Variants in DNAH8 observed in about 807,000 individuals in gnomAD.
DNAH8 encodes the protein axonemal beta dynein heavy chain 8.
Under a neutral mutation model 562.1 loss-of-function variants are expected in DNAH8, and 382 were observed. The ratio of observed to expected loss-of-function variants is 0.68; its 90% CI spans 0.63 to 0.74. The LOEUF is 0.74. DNAH8 is among the 30% of genes least tolerant of loss of function. The pLI is 0.00. For synonymous variants in DNAH8, 1,881 were observed against 1,919.4 expected (o/e 0.98, Z 0.52); for missense variants, 5,203 against 5,620.4 (o/e 0.93, Z 2.37).
chr6:38,798,712 T>A (rs1738233), intron 21 of DNAH8, among the ~76,000 whole-genome samples: 83,460 of 151,916 alleles, frequency 0.55, 23,361 homozygotes, highest in Middle Eastern at 0.59. Context: ...CAAGGATTAA[T>A]GAAGTTTGTT....
chr6:38,750,605 A>G lies in DNAH8; in HGVS notation c.1407+16A>G. ...CCATGACCTAGTAAGTATGCTTTTA[A>G]AGTACAATTTTAAACTGAGGGCAGT... is the stretch of plus-strand genomic sequence containing the variant. On this transcript the variant is annotated intron_variant, in intron 9 of 92. Transcript: ENST00000327475. The G allele has an allele frequency of 6.6e-7, 1 of 1,512,370 alleles. No individual in the cohort carries two copies. The highest frequency in any genetic ancestry group is 9.1e-7 in the Non-Finnish European group (1 of 1,094,976). The allele number at this position is 1,512,370 out of a possible 1,614,324, so 93.7% of individuals were successfully genotyped here.
At chr6:38,784,994 G>A (rs149279327) in intron 17 of DNAH8, among the ~76,000 whole-genome samples, 1 of 152,322 alleles carries the variant, frequency 6.6e-6, no homozygotes, top group East Asian at 1.9e-4. Flanking sequence ...AGAAGAGTTT[G>A]TTCCCCTTGA....
chr6:38,928,690 C>T (rs1360027054), intron 74 of DNAH8, among the ~76,000 whole-genome samples: 1 of 152,102 alleles, frequency 6.6e-6, no homozygotes, highest in Non-Finnish European at 1.5e-5. Context: ...TGGATTCTTC[C>T]TTGCATCTTA....
chr6:38,962,965 G>A (rs2150669083), intron 82 of DNAH8, among the ~76,000 whole-genome samples: 1 of 152,212 alleles, frequency 6.6e-6, no homozygotes, highest in Admixed American at 6.5e-5. Context: ...TGGACTTTGG[G>A]GACTGGGGAG....
Position 38,848,630 on chromosome 6 carries a change from T to C in DNAH8, c.5046-18T>C, listed in dbSNP as rs750282825. 4 of 1,589,540 alleles carry C rather than the reference T, an allele frequency of 2.5e-6. No individual in the cohort carries two copies. The highest frequency in any genetic ancestry group is 2.6e-6 in the Non-Finnish European group (3 of 1,162,592). The stretch of plus-strand genomic sequence containing the variant: ...GAATCTTCTTTGAAATGTGATTTTT[T>C]CCGTTCTTACCTTTTAGATACAATG... On this transcript the variant is annotated intron_variant, in intron 36 of 92. Coordinates refer to ENST00000327475, the MANE Select transcript of DNAH8 (RefSeq NM_001206927.2).
At chr6:38,870,301 T>A (rs1777368422) in intron 48 of DNAH8, 100 bp from the exon 49 acceptor site, 2 of 1,018,648 alleles carry the variant, frequency 2.0e-6, no homozygotes, top group East Asian at 4.8e-5. Flanking sequence ...TAATAAATGG[T>A]TCTCTGGGGA....
intron 45 of DNAH8, among the ~76,000 whole-genome samples, chr6:38,866,339 G>A (rs1341546657): frequency 6.6e-6 from 1 of 151,864 alleles, no homozygotes; most frequent in Admixed American, 6.6e-5. Context: ...TATTTTTTAA[G>A]TCAGTAGACA....
In DNAH8 at chr6:38,795,511, C is replaced by CGGA. The variant is rs1223797649; in HGVS notation, c.2901+3839_2901+3841dup. On this transcript the variant is annotated intron_variant, in intron 21 of 92. Transcript: ENST00000327475. ...AGGAGAATGGCGTGAACCCAGGAGG[C>CGGA]GGAGCTTGCAGTGAGCTGAGATCTC... Among the ~76,000 whole-genome samples the CGGA allele has an allele frequency of 6.8e-5, 10 of 146,774 alleles. No homozygotes were observed. In the Admixed American group the frequency reaches 6.9e-4, roughly 10 times the overall value.
At chr6:38,745,783 A>G (rs1022412132) in intron 8 of DNAH8, among the ~76,000 whole-genome samples, 1 of 152,206 alleles carries the variant, frequency 6.6e-6, no homozygotes, top group African/African-American at 2.4e-5. Context: ...ATGGTCAGTT[A>G]TTTAGGAGAA....
At chr6:38,861,591 T>C (rs972373704) in intron 43 of DNAH8, among the ~76,000 whole-genome samples, 1 of 152,234 alleles carries the variant, frequency 6.6e-6, no homozygotes, top group Non-Finnish European at 1.5e-5. Flanking sequence ...AGAGTCTTGC[T>C]CTGTCGCCCA....
rs146223741 is a variant in DNAH8, at chr6:38,997,090, CT to C, written c.13214+6919del. ...GCCTTGGGGTCTCTCTCACCCACCC[CT>C]GATCCCCTTTCCCCAGCATGTCTTA... On this transcript the variant is annotated intron_variant, in intron 88 of 92. Transcript: ENST00000327475. Among the ~76,000 whole-genome samples the C allele has an allele frequency of 8.3e-3, 1,265 of 152,316 alleles. 15 individuals are homozygous for C. Among genetic ancestry groups the C allele is most frequent in the African/African-American group, 0.029 (1,193 of 41,562 alleles).
intron 71 of DNAH8, 55 bp downstream of exon 71, chr6:38,921,561 G>A: frequency 6.4e-7 from 1 of 1,554,752 alleles, no homozygotes; most frequent in Non-Finnish European, 8.7e-7. Context: ...TTACACAAGA[G>A]CATGCTATAT....
rs1240784248 is a variant in DNAH8 at position 38,909,672 on chromosome 6, A to G, written c.9668A>G (p.Lys3223Arg). The G allele has an allele frequency of 6.2e-7, 1 of 1,614,170 alleles. No individual in the cohort carries two copies. Among genetic ancestry groups the G allele is most frequent in the African/African-American group, 1.3e-5 (1 of 75,074 alleles). The change falls in exon 65 of 93, where the codon AAA becomes AGA. Residue 3223 changes from lysine (K) to arginine (R), a missense_variant. Physicochemically the swap from Lys to Arg is conservative, Grantham distance 26. Around this residue, in one of 6 missense-constraint regions of DNAH8, gnomAD observed 977 missense variants for 1,061.8 expected, o/e 0.92. Transcript: ENST00000327475. Reference sequence around the variant, plus strand: ...AATATTGTCTGCTCTAGTGAAATTAAAAGACAAGTTGTAGAAACAATGGGC... The same window carrying G: ...AATATTGTCTGCTCTAGTGAAATTAGAAGACAAGTTGTAGAAACAATGGGC... Reference protein sequence around the residue: ...DYNIVCSSEIKRQVVETMGLF... With the variant: ...DYNIVCSSEIRRQVVETMGLF...
intron 85 of DNAH8, among the ~76,000 whole-genome samples, chr6:38,980,529 T>C (rs966403376): frequency 2.0e-5 from 3 of 152,086 alleles, no homozygotes; most frequent in African/African-American, 7.2e-5. Context: ...TTACAAGTTT[T>C]CTTAGTCTAA....
rs952001333 is a variant in DNAH8, at chr6:38,749,873, C to T, written c.1294-603C>T. Among the ~76,000 whole-genome samples the T allele has an allele frequency of 5.9e-5, 9 of 152,158 alleles. No individual in the cohort carries two copies. In the East Asian group the frequency reaches 1.7e-3, roughly 29 times the overall value. ...TTGAGACAAAGTCTCACTCTGTTGT[C>T]CAGGCTGGAGTGCAGTGGCGCGATC... On this transcript the variant is annotated intron_variant, in intron 8 of 92. Coordinates refer to ENST00000327475, the MANE Select transcript of DNAH8 (RefSeq NM_001206927.2).
chr6:38,792,254 A>G (rs1484140600), intron 21 of DNAH8, among the ~76,000 whole-genome samples: 19 of 152,028 alleles, frequency 1.2e-4, no homozygotes, highest in Admixed American at 1.2e-3. Flanking sequence ...CACCCGGCTA[A>G]TTTTTGTGTT....
chr6:38,845,766 A>G lies in DNAH8; in HGVS notation c.5038A>G (p.Ser1680Gly), dbSNP rs541531465. 18 of 1,610,168 alleles carry G rather than the reference A, an allele frequency of 1.1e-5. No homozygotes were observed. In the East Asian group the frequency reaches 3.8e-4, roughly 34 times the overall value. ...TTTAATGGTCTTAGGGTCTTTACTC[A>G]GCAACAGGTAATTTTATAATTTGAG... Reference protein sequence around the residue: ...DSLMVLGSLLSNRYNAPFKKN... With the variant: ...DSLMVLGSLLGNRYNAPFKKN... Residue 1680 changes from serine (S) to glycine (G), a missense_variant, in exon 36 of 93, where the codon AGC becomes GGC. By Grantham distance (56) the Ser-to-Gly change is moderately conservative (BLOSUM62 0). Around this residue, in one of 6 missense-constraint regions of DNAH8, gnomAD observed 2,176 missense variants for 2,365.1 expected, o/e 0.92. Coordinates refer to ENST00000327475, the MANE Select transcript of DNAH8 (RefSeq NM_001206927.2).
At chr6:38,910,173 A>C (rs1000676369) in intron 65 of DNAH8, among the ~76,000 whole-genome samples, 14 of 152,216 alleles carry the variant, frequency 9.2e-5, no homozygotes, top group Non-Finnish European at 5.9e-5. Flanking sequence ...TATTTGCATT[A>C]CTTAGTCTTA....
rs1738228 is a variant in DNAH8 at position 38,807,898 on chromosome 6, C to T, written c.3257+182C>T. The stretch of plus-strand genomic sequence containing the variant: ...GTTAAATGAACACCCATATTCCCAA[C>T]ACCCTGCCTGAGACAAAAAAAGGCT... On this transcript the variant is annotated intron_variant, in intron 24 of 92. Coordinates refer to ENST00000327475, the MANE Select transcript of DNAH8 (RefSeq NM_001206927.2). Among the ~76,000 whole-genome samples, 44,965 of 152,064 alleles carry T rather than the reference C, an allele frequency of 0.3. 6,969 individuals are homozygous for T. Among genetic ancestry groups the T allele is most frequent in the East Asian group, 0.42 (2,176 of 5,166 alleles).
Sources: gnomAD v4.1 joint callset for allele counts (sites outside exome capture counted in the v4.1 genomes callset) on GRCh38, gnomAD v4.1.1 for gene constraint, gnomAD v4.1.1 regional missense constraint, MANE v1.5 for transcripts, NCBI Gene and HGNC (gene_info 2026-07-23, HGNC 2026-07-21) for gene names.